COL24A1: variants seen among roughly 807,000 people sequenced by gnomAD.
The protein encoded by COL24A1 is collagen type XXIV alpha 1 chain.
In COL24A1, 224 loss-of-function variants were observed where a neutral mutation model predicts 253.9. The ratio of observed to expected loss-of-function variants is 0.88; its 90% confidence interval spans 0.79 to 0.99. The LOEUF (loss-of-function observed/expected upper bound fraction) is 0.99, where lower values mean the gene tolerates loss of function less well. COL24A1 is among the 50% of genes least tolerant of loss of function. The probability of loss-of-function intolerance (pLI) is 0.00; values close to 1 mark genes in which losing one functional copy is unlikely to be tolerated. For missense variants in COL24A1, 2,131 were observed against 2,068.5 expected, an observed-to-expected ratio of 1.03 and a Z score of -0.59; for synonymous variants, 685 against 673.7, an observed-to-expected ratio of 1.02 and a Z score of -0.26.
chr1:85,783,541 A>C lies in COL24A1; in HGVS notation c.4239T>G (p.Ala1413=). Residue 1413 remains alanine, a synonymous_variant, in exon 51 of 60, where the codon GCT becomes GCG. Transcript: ENST00000370571. ...FPGPKGPEGD[A]GIVGISGPKG... ...TAGGACCTGATATCCCAACAATGCC[A>C]GCATCCCCTTCAGGACCCTAGACAT... The C allele has an allele frequency of 6.2e-7, 1 of 1,613,458 alleles. No homozygotes were observed. Among genetic ancestry groups the C allele is most frequent in the Non-Finnish European group, 8.5e-7 (1 of 1,179,530 alleles).
chr1:85,935,739 A>G (rs1375356692), intron 24 of COL24A1, among the ~76,000 whole-genome samples: 1 of 147,184 alleles, frequency 6.8e-6, no homozygotes, highest in Non-Finnish European at 1.5e-5. Flanking sequence ...ATTCGGGAGC[A>G]CTTTCCAAGT....
chr1:85,847,515 A>G lies in COL24A1; in HGVS notation c.3462+150T>C. On this transcript the variant is annotated intron_variant, in intron 39 of 59. Coordinates refer to ENST00000370571, the MANE Select transcript of COL24A1 (RefSeq NM_152890.7). ...GCCGTTTAAGTACTGTGGAATGCTTACAATTCTCCACATCCCATGGAGGTA... is the reference window on the plus strand; with the variant it reads ...GCCGTTTAAGTACTGTGGAATGCTTGCAATTCTCCACATCCCATGGAGGTA... The G allele has an allele frequency of 5.5e-6, 3 of 546,780 alleles. 1 individual carries two copies. In the South Asian group the frequency reaches 9.4e-5, roughly 17 times the overall value. The allele number at this position is 546,780 out of a possible 1,614,324, so 33.9% of individuals were successfully genotyped here. A position where few individuals can be genotyped will look rare whatever the true frequency, so the allele number is the denominator to read the frequency against.
intron 32 of COL24A1, among the ~76,000 whole-genome samples, chr1:85,888,011 T>C (rs1233492924): frequency 6.6e-6 from 1 of 151,334 alleles, no homozygotes; most frequent in Non-Finnish European, 1.5e-5. Context: ...TTTATAATCT[T>C]CCATTCTCAA....
chr1:85,926,543 C>A (rs1687247330), intron 24 of COL24A1, among the ~76,000 whole-genome samples: 1 of 152,122 alleles, frequency 6.6e-6, no homozygotes, highest in Non-Finnish European at 1.5e-5. Flanking sequence ...TGGAAACCAT[C>A]ATTCTGAGCC....
At chr1:86,094,461 A>G (rs777415436) in intron 5 of COL24A1, among the ~76,000 whole-genome samples, 25 of 150,770 alleles carry the variant, frequency 1.7e-4, no homozygotes, top group Middle Eastern at 3.4e-3. Flanking sequence ...ATGGACACAG[A>G]GAGGGGAACA....
intron 37 of COL24A1, among the ~76,000 whole-genome samples, chr1:85,867,113 A>G (rs1258806169): frequency 2.0e-5 from 3 of 152,192 alleles, no homozygotes; most frequent in African/African-American, 7.2e-5. Flanking sequence ...CATTTAAGAT[A>G]TTTGTTGTTT....
chr1:86,060,697 C>T (rs1288160552), intron 8 of COL24A1, among the ~76,000 whole-genome samples: 1 of 151,936 alleles, frequency 6.6e-6, no homozygotes, highest in Non-Finnish European at 1.5e-5. Flanking sequence ...ATGAGATACA[C>T]TTTTCTTCAT....
intron 2 of COL24A1, among the ~76,000 whole-genome samples, chr1:86,144,509 G>T (rs1371827548): frequency 6.6e-6 from 1 of 152,074 alleles, no homozygotes; most frequent in Non-Finnish European, 1.5e-5. Context: ...ACTTCTTTGA[G>T]TCTCAGTTTC....
chr1:86,010,254 C>T (rs1696369200), intron 19 of COL24A1, among the ~76,000 whole-genome samples: 1 of 152,008 alleles, frequency 6.6e-6, no homozygotes, highest in East Asian at 1.9e-4. Context: ...TGTCAAAAAA[C>T]ACTACAAACA....
At chr1:85,893,979 G>A (rs1205788780) in intron 31 of COL24A1, among the ~76,000 whole-genome samples, 3 of 152,224 alleles carry the variant, frequency 2.0e-5, no homozygotes, top group African/African-American at 7.2e-5. Flanking sequence ...GTTTTTAGGA[G>A]CATACACTAG....
chr1:85,948,523 CAAAAAAAAAAA>C (rs751884453), intron 24 of COL24A1, among the ~76,000 whole-genome samples: 1 of 63,610 alleles, frequency 1.6e-5, no homozygotes, highest in Admixed American at 2.0e-4. Flanking sequence ...GACTCCGTCT[CAAAAAAAAAAA>C]AAAAAAAAAA....
chr1:85,942,821 C>A (rs1022436030), intron 24 of COL24A1, among the ~76,000 whole-genome samples: 3 of 152,158 alleles, frequency 2.0e-5, no homozygotes, highest in African/African-American at 7.2e-5. Context: ...TTGTTACTGT[C>A]TTTATTTGGA....
chr1:86,143,364 T>C (rs1249390429), intron 2 of COL24A1, among the ~76,000 whole-genome samples: 2 of 152,122 alleles, frequency 1.3e-5, no homozygotes, highest in African/African-American at 2.4e-5. Flanking sequence ...GGGGAAAATA[T>C]ATTTCAAAAT....
chr1:85,956,199 TATTTC>T (rs1207224383), intron 24 of COL24A1, among the ~76,000 whole-genome samples: 2 of 152,222 alleles, frequency 1.3e-5, no homozygotes, highest in Admixed American at 6.5e-5. Flanking sequence ...TATGAAAACT[TATTTC>T]ATAAGAGTTG....
At chr1:86,107,691 C>T (rs1437867872) in intron 5 of COL24A1, among the ~76,000 whole-genome samples, 2 of 151,888 alleles carry the variant, frequency 1.3e-5, no homozygotes, top group Non-Finnish European at 2.9e-5. Flanking sequence ...CCTCCCACCA[C>T]GCCCGGCTAA....
At chr1:85,884,353 G>A (rs1419747845) in intron 32 of COL24A1, among the ~76,000 whole-genome samples, 1 of 152,086 alleles carries the variant, frequency 6.6e-6, no homozygotes, top group Non-Finnish European at 1.5e-5. Context: ...GTGTTTACTG[G>A]TTGTTGTAGC....
At chr1:85,893,597 TTCTTTTGAG>T (rs1403897459) in intron 31 of COL24A1, among the ~76,000 whole-genome samples, 3 of 152,152 alleles carry the variant, frequency 2.0e-5, no homozygotes, top group Non-Finnish European at 4.4e-5. Context: ...CTTCCTGATT[TTCTTTTGAG>T]TCAGATGTAT....
At chr1:85,969,368 GC>G (rs1323225620) in intron 22 of COL24A1, among the ~76,000 whole-genome samples, 1 of 151,976 alleles carries the variant, frequency 6.6e-6, no homozygotes, top group Non-Finnish European at 1.5e-5. Flanking sequence ...ACTTTGGGAG[GC>G]CGAGGTGGGT....
intron 1 of COL24A1, among the ~76,000 whole-genome samples, chr1:86,149,914 C>T (rs917973851): frequency 1.3e-5 from 2 of 152,226 alleles, no homozygotes; most frequent in Non-Finnish European, 2.9e-5. Flanking sequence ...AATAGATTCT[C>T]TTTCTCTTTG....
Sources: gnomAD v4.1 joint callset for allele counts (sites outside exome capture counted in the v4.1 genomes callset) on GRCh38, gnomAD v4.1.1 for gene constraint, MANE v1.5 for transcripts, NCBI Gene and HGNC (gene_info 2026-07-23, HGNC 2026-07-21) for gene names.